The following RIMS3 variants were observed in gnomAD, a reference collection of about 807,000 sequenced individuals.
RIMS3 encodes regulating synaptic membrane exocytosis protein 3.
Under a neutral mutation model 29.2 loss-of-function variants are expected in RIMS3, and 15 were observed. That is an observed-to-expected ratio of 0.51 (90% CI 0.34 to 0.79). The LOEUF (loss-of-function observed/expected upper bound fraction) is 0.79, where lower values mean the gene tolerates loss of function less well. RIMS3 is among the 30% of genes least tolerant of loss of function. RIMS3 has a pLI of 0.01. For missense variants in RIMS3, 342 were observed against 421.4 expected, an observed-to-expected ratio of 0.81 and a Z score of 1.65; for synonymous variants, 161 against 170.1, an observed-to-expected ratio of 0.95 and a Z score of 0.41.
At position 40,636,497 on chromosome 1, in the gene RIMS3, C is replaced by T. The variant is rs979831652; in HGVS notation, c.218-440G>A. Among the ~76,000 whole-genome samples the T allele has an allele frequency of 1.3e-5, 2 of 152,178 alleles. No individual in the cohort carries two copies. The highest frequency in any genetic ancestry group is 4.8e-5 in the African/African-American group (2 of 41,440). ...AGACTGACTTTCCCTCTTTCAGGCA[C>T]CCTCAGACCCTATCACACCCAGACC... is the stretch of plus-strand genomic sequence containing the variant. On this transcript the variant is annotated intron_variant, in intron 3 of 7. Transcript: ENST00000372684. The surrounding 1 kb of genome is among the most constrained non-coding windows in gnomAD (Gnocchi z 4.2).
chr1:40,626,063 C>T lies in RIMS3; in HGVS notation c.*454G>A, dbSNP rs140734695. 17 of 200,962 alleles carry T rather than the reference C, an allele frequency of 8.5e-5. No homozygotes were observed. The East Asian group carries it at 1.6e-3, about 19-fold the overall frequency. 12.4% of individuals were successfully genotyped at this position (200,962 alleles called of 1,614,324 possible). On this transcript the variant is annotated 3_prime_UTR_variant, in exon 8 of 8. Transcript: ENST00000372684. ...GTCAAGAGTGGAACAAAAGACAAGACAGAAAACAAAGCAGAGACCACCAGG... is the reference window on the plus strand; with the variant it reads ...GTCAAGAGTGGAACAAAAGACAAGATAGAAAACAAAGCAGAGACCACCAGG...
rs370309265 is a variant in RIMS3 at position 40,636,819 on chromosome 1, C to T, written c.218-762G>A. On this transcript the variant is annotated intron_variant, in intron 3 of 7. Coordinates refer to ENST00000372684, the MANE Select transcript of RIMS3 (RefSeq NM_014747.3). The surrounding 1 kb of genome is among the most constrained non-coding windows in gnomAD (Gnocchi z 4.2). Reference sequence around the variant, plus strand: ...TCGACCCCCATATCCTGGCCTCCCCCTCAGCCTTGCAGGGAACATGGGACA... The same window carrying T: ...TCGACCCCCATATCCTGGCCTCCCCTTCAGCCTTGCAGGGAACATGGGACA... Among the ~76,000 whole-genome samples the T allele has an allele frequency of 7.9e-5, 12 of 152,220 alleles. No individual in the cohort carries two copies. The highest frequency in any genetic ancestry group is 1.2e-4 in the Non-Finnish European group (8 of 68,040).
At chr1:40,656,493 C>T (rs886588933) in intron 1 of RIMS3, among the ~76,000 whole-genome samples, 1 of 152,008 alleles carries the variant, frequency 6.6e-6, no homozygotes, top group Non-Finnish European at 1.5e-5. Context: ...TTGTTAAAGA[C>T]ACATTAGAGG....
chr1:40,671,757 CTTTTT>C, the RIMS3 span, among the ~76,000 whole-genome samples: 2 of 130,284 alleles, frequency 1.5e-5, no homozygotes. Flanking sequence ...CCTTTCTTTT[CTTTTT>C]TTTTTTTTTT....
At chr1:40,679,579 C>A in the RIMS3 span, among the ~76,000 whole-genome samples, 3 of 152,094 alleles carry the variant, frequency 2.0e-5, no homozygotes, top group East Asian at 3.9e-4. Context: ...TTCTATTTAA[C>A]AATAGGCCCT....
intron 1 of RIMS3, among the ~76,000 whole-genome samples, chr1:40,657,924 T>C (rs973839021): frequency 3.9e-5 from 6 of 151,916 alleles, no homozygotes; most frequent in African/African-American, 1.2e-4. Context: ...AAATAAAATT[T>C]ATATGTTTTA....
upstream of RIMS3, among the ~76,000 whole-genome samples, chr1:40,667,786 G>T (rs1433980525): frequency 6.6e-6 from 1 of 152,048 alleles, no homozygotes; most frequent in Non-Finnish European, 1.5e-5. Flanking sequence ...GAACAAAATG[G>T]AGTATGGAAA....
In RIMS3 at chr1:40,635,936, G is replaced by A. The variant is rs1646516676; in HGVS notation, c.339C>T (p.Asn113=). 6.2e-7 allele frequency: 1 copy of A among 1,613,048 alleles called. No individual in the cohort carries two copies. Among genetic ancestry groups the A allele is most frequent in the Non-Finnish European group, 8.5e-7 (1 of 1,179,962 alleles). ...CGCACGTGCCGTCGGAGCTGTTGCT[G>A]TTGGTGCTCCCATCGGTGGACTCCC... ...GSRESTDGST[N]SNSSDGTFIF... The change falls in exon 4 of 8, where the codon AAC becomes AAT. Residue 113 remains asparagine (N), a synonymous_variant. Transcript: ENST00000372684. This position sits in a 1 kb window ranked among gnomAD's most constrained non-coding sequence, Gnocchi z 4.1.
chr1:40,629,678 A>C (rs61779213), intron 5 of RIMS3, among the ~76,000 whole-genome samples: 37,922 of 151,890 alleles, frequency 0.25, 4,885 homozygotes, highest in African/African-American at 0.29. Context: ...TGTTTTACTG[A>C]GCAGAATAGC....
intron 5 of RIMS3, 92 bp downstream of exon 5, chr1:40,632,977 C>A: frequency 1.1e-6 from 1 of 951,972 alleles, no homozygotes; most frequent in South Asian, 1.3e-5. Flanking sequence ...AGAATAAACT[C>A]TACGATGGCC....
chr1:40,658,392 G>A (rs545245288), intron 1 of RIMS3, among the ~76,000 whole-genome samples: 2 of 152,214 alleles, frequency 1.3e-5, no homozygotes, highest in Non-Finnish European at 2.9e-5. Context: ...CTGCTGTCCA[G>A]ATGGAAGTTT....
At chr1:40,657,776 C>T (rs2148359584) in intron 1 of RIMS3, among the ~76,000 whole-genome samples, 1 of 147,322 alleles carries the variant, frequency 6.8e-6, no homozygotes, top group South Asian at 2.1e-4. Context: ...AAAAATTAGC[C>T]AGGCATGGTG....
the RIMS3 span, among the ~76,000 whole-genome samples, chr1:40,685,020 G>A: frequency 6.6e-6 from 1 of 152,068 alleles, no homozygotes; most frequent in African/African-American, 2.4e-5. Flanking sequence ...AGCTATGTCT[G>A]TTGTTGAGGT....
chr1:40,631,632 T>C (rs959598949), intron 5 of RIMS3, among the ~76,000 whole-genome samples: 27 of 151,532 alleles, frequency 1.8e-4, no homozygotes, highest in African/African-American at 6.1e-4. Flanking sequence ...TGAGCTGAGA[T>C]TGTGCCATTG....
intron 4 of RIMS3, 38 bp from the exon 5 acceptor site, chr1:40,633,219 G>A (rs1439048347): frequency 1.3e-6 from 2 of 1,513,396 alleles, no homozygotes; most frequent in South Asian, 1.1e-5. Context: ...AGGGGGTCAG[G>A]GCAACCTGAG....
At chr1:40,649,861 G>A (rs1343945040) in intron 1 of RIMS3, among the ~76,000 whole-genome samples, 2 of 152,196 alleles carry the variant, frequency 1.3e-5, no homozygotes, top group African/African-American at 2.4e-5. Flanking sequence ...GAAACGGGTA[G>A]CCCTCTGAGG....
intron 2 of RIMS3, among the ~76,000 whole-genome samples, chr1:40,644,068 C>T (rs1386329027): frequency 7.0e-6 from 1 of 142,684 alleles, no homozygotes; most frequent in Non-Finnish European, 1.5e-5. Flanking sequence ...AGGTGGGGGG[C>T]TCTCTCTCTT....
chr1:40,686,378 C>T, the RIMS3 span, among the ~76,000 whole-genome samples: 1 of 152,096 alleles, frequency 6.6e-6, no homozygotes, highest in South Asian at 2.1e-4. Flanking sequence ...TTTGGCCGGG[C>T]ACAGTGGCTC....
In RIMS3 at chr1:40,654,171, G is replaced by A. The variant is rs1376008675; in HGVS notation, c.-206-6329C>T. 5.4e-5 allele frequency among the ~76,000 whole-genome samples: 1 copy of A among 18,446 alleles called. No homozygotes were observed. 12.1% of individuals were successfully genotyped at this position (18,446 alleles called of 152,430 possible). ...CCCCTTCCCGCCCCTCCCCCTCCCCGCCCCTCCCCCGCGCCGCTGACGAGG... is the reference window on the plus strand; with the variant it reads ...CCCCTTCCCGCCCCTCCCCCTCCCCACCCCTCCCCCGCGCCGCTGACGAGG... On this transcript the variant is annotated intron_variant, in intron 1 of 7. Transcript: ENST00000372684. This position sits in a 1 kb window ranked among gnomAD's most constrained non-coding sequence, Gnocchi z 5.3.
Sources: allele counts gnomAD v4.1 joint callset (sites outside exome capture counted in the v4.1 genomes callset), GRCh38; gene constraint gnomAD v4.1.1; non-coding constraint Gnocchi (gnomAD v3.1); transcripts MANE v1.5; gene names NCBI Gene and HGNC (gene_info 2026-07-23, HGNC 2026-07-21).